CFAP299: variants seen among roughly 807,000 people sequenced by gnomAD.
CFAP299 encodes cilia- and flagella-associated protein 299.
A neutral mutation model predicts 27.0 loss-of-function variants in CFAP299; 21 were observed. That is an observed-to-expected ratio of 0.78 (90% CI 0.55 to 1.12). CFAP299 has a LOEUF of 1.12. CFAP299 is among the 50% of genes most tolerant of loss of function. The probability of loss-of-function intolerance (pLI) is 0.00; values close to 1 mark genes in which losing one functional copy is unlikely to be tolerated. For missense variants in CFAP299, 310 were observed against 276.6 expected (o/e 1.12, Z -0.86); for synonymous variants, 104 against 98.1 (o/e 1.06, Z -0.36).
At chr4:80,832,145 C>G (rs1178650602) in intron 3 of CFAP299, among the ~76,000 whole-genome samples, 4 of 152,094 alleles carry the variant, frequency 2.6e-5, no homozygotes, top group East Asian at 1.9e-4. Flanking sequence ...GGAACTTTGT[C>G]TCCCCTGGGG....
At chr4:80,819,626 C>CTT (rs1729596877) in intron 3 of CFAP299, among the ~76,000 whole-genome samples, 1 of 152,066 alleles carries the variant, frequency 6.6e-6, no homozygotes, top group Admixed American at 6.6e-5. Flanking sequence ...GATTTATTCA[C>CTT]TTAGGCTAAA....
At chr4:80,675,269 A>G (rs902438756) in intron 3 of CFAP299, among the ~76,000 whole-genome samples, 3 of 152,088 alleles carry the variant, frequency 2.0e-5, no homozygotes, top group South Asian at 2.1e-4. Flanking sequence ...TTTTCCTTCT[A>G]AGTATCAGGT....
intron 3 of CFAP299, among the ~76,000 whole-genome samples, chr4:80,805,771 G>C (rs755820233): frequency 2.0e-5 from 3 of 152,298 alleles, no homozygotes; most frequent in East Asian, 3.9e-4. Context: ...CAGCTCAGGA[G>C]GGTGAGGCAG....
chr4:80,794,980 C>T (rs963907949), intron 3 of CFAP299, among the ~76,000 whole-genome samples: 1 of 152,102 alleles, frequency 6.6e-6, no homozygotes, highest in Admixed American at 6.6e-5. Flanking sequence ...TTGCTGAGCC[C>T]ATACATATCA....
chr4:80,755,227 A>T (rs367627526), intron 3 of CFAP299, among the ~76,000 whole-genome samples: 3 of 152,046 alleles, frequency 2.0e-5, no homozygotes, highest in Admixed American at 2.0e-4. Flanking sequence ...TGCTTGAGAG[A>T]CATGAGTAGA....
At chr4:80,802,365 T>TA (rs1728658981) in intron 3 of CFAP299, among the ~76,000 whole-genome samples, 2 of 152,088 alleles carry the variant, frequency 1.3e-5, no homozygotes, top group Admixed American at 1.3e-4. Flanking sequence ...GTATTTATCT[T>TA]ACTGCTTTTC....
chr4:80,823,197 A>G (rs555748687), intron 3 of CFAP299, among the ~76,000 whole-genome samples: 2 of 152,236 alleles, frequency 1.3e-5, no homozygotes, highest in South Asian at 2.1e-4. Flanking sequence ...GGAGAGAAAG[A>G]GGCTTAGGAC....
intron 4 of CFAP299, among the ~76,000 whole-genome samples, chr4:80,909,676 G>A (rs543721513): frequency 8.8e-4 from 134 of 151,584 alleles, no homozygotes; most frequent in African/African-American, 2.8e-3. Flanking sequence ...AACTTTAAAC[G>A]GGATAAGAAT....
intron 2 of CFAP299, among the ~76,000 whole-genome samples, chr4:80,460,859 A>G (rs936517966): frequency 2.0e-5 from 3 of 152,190 alleles, no homozygotes; most frequent in Admixed American, 6.5e-5. Context: ...ACTTATTCTG[A>G]GCCAAATATG....
chr4:80,442,683 A>G (rs1728417322), intron 2 of CFAP299, among the ~76,000 whole-genome samples: 1 of 152,204 alleles, frequency 6.6e-6, no homozygotes, highest in Non-Finnish European at 1.5e-5. Flanking sequence ...AGAAATAACT[A>G]AGATCAGAGC....
At chr4:80,722,918 AT>A (rs1344344832) in intron 3 of CFAP299, among the ~76,000 whole-genome samples, 1 of 152,040 alleles carries the variant, frequency 6.6e-6, no homozygotes, top group Non-Finnish European at 1.5e-5. Context: ...ACAAAAAAAA[AT>A]CAATAATAAA....
intron 2 of CFAP299, among the ~76,000 whole-genome samples, chr4:80,464,889 A>G (rs1729629923): frequency 6.6e-6 from 1 of 152,262 alleles, no homozygotes; most frequent in African/African-American, 2.4e-5. Context: ...TTTTTAAGTT[A>G]TTTAATATTC....
At chr4:80,670,450 C>T (rs967618032) in intron 3 of CFAP299, among the ~76,000 whole-genome samples, 2 of 152,094 alleles carry the variant, frequency 1.3e-5, no homozygotes, top group Non-Finnish European at 2.9e-5. Flanking sequence ...AGTAAACATA[C>T]GTGTGCATGT....
At chr4:80,671,634 G>A (rs7688352) in intron 3 of CFAP299, among the ~76,000 whole-genome samples, 144,352 of 152,284 alleles carry the variant, frequency 0.95, 68,510 homozygotes, top group East Asian at 1. Context: ...TGAGTATGGA[G>A]TGTTCTTCCA....
intron 2 of CFAP299, among the ~76,000 whole-genome samples, chr4:80,399,345 A>T (rs918421251): frequency 1.3e-5 from 2 of 152,206 alleles, no homozygotes; most frequent in Non-Finnish European, 2.9e-5. Context: ...TACTGGGTAT[A>T]TACCCAAAGG....
chr4:80,872,839 T>G, intron 4 of CFAP299: 3 of 894,084 alleles, frequency 3.4e-6, no homozygotes, highest in Non-Finnish European at 4.0e-6. Flanking sequence ...TAAGATTCGT[T>G]TTATTTATTT....
chr4:80,443,454 G>A (rs1432031876), intron 2 of CFAP299, among the ~76,000 whole-genome samples: 1 of 152,158 alleles, frequency 6.6e-6, no homozygotes, highest in Non-Finnish European at 1.5e-5. Context: ...AATAGTTGCA[G>A]AAAAGGCCTT....
chr4:80,378,140 G>A (rs934177163), intron 2 of CFAP299, among the ~76,000 whole-genome samples: 1 of 152,144 alleles, frequency 6.6e-6, no homozygotes, highest in Admixed American at 6.5e-5. Context: ...ATAGCTTTCA[G>A]TATCTTGCAA....
intron 3 of CFAP299, among the ~76,000 whole-genome samples, chr4:80,856,961 G>A (rs1731942554): frequency 6.6e-6 from 1 of 151,934 alleles, no homozygotes; most frequent in South Asian, 2.1e-4. Context: ...GTAGCTTGAT[G>A]GGGATGGCAT....
Sources: allele counts gnomAD v4.1 joint callset (sites outside exome capture counted in the v4.1 genomes callset), GRCh38; gene constraint gnomAD v4.1.1; transcripts MANE v1.5; gene names NCBI Gene and HGNC (gene_info 2026-07-23, HGNC 2026-07-21).